Variants in PTPRT observed in about 807,000 individuals in gnomAD.
PTPRT encodes protein tyrosine phosphatase receptor type T.
In PTPRT, 56 loss-of-function variants were observed where a neutral mutation model predicts 176.8. That is an observed-to-expected ratio of 0.32 (90% CI 0.26 to 0.40). The LOEUF is 0.40. Among genes scored for constraint, PTPRT ranks in the 10% least tolerant of loss-of-function variants. The pLI, the probability that PTPRT is intolerant of heterozygous loss-of-function variation, is 1.00. For synonymous variants in PTPRT, 783 were observed against 739.0 expected (o/e 1.06, Z -0.96); for missense variants, 1,540 against 1,908.2 (o/e 0.81, Z 3.60).
At chr20:43,147,464 C>A (rs2146413274) in intron 1 of PTPRT, among the ~76,000 whole-genome samples, 2 of 152,290 alleles carry the variant, frequency 1.3e-5, no homozygotes, top group East Asian at 3.9e-4. Context: ...CCCCATCAGA[C>A]CAGGGACTTC....
intron 1 of PTPRT, among the ~76,000 whole-genome samples, chr20:42,901,280 A>G (rs1289221873): frequency 1.3e-5 from 2 of 152,096 alleles, no homozygotes; most frequent in Non-Finnish European, 2.9e-5. Flanking sequence ...TGTCCACCCC[A>G]AAAGTACATT....
rs73254783 is a variant in PTPRT, at chr20:42,276,336, T to C, written c.2176+6153A>G. On this transcript the variant is annotated intron_variant, in intron 13 of 30. Transcript: ENST00000373187. Reference sequence around the variant, plus strand: ...TTCTTCACTTTGGATCTAACCTGTATCCATTTGACAAACGGCTGATTTGTA... The same window carrying C: ...TTCTTCACTTTGGATCTAACCTGTACCCATTTGACAAACGGCTGATTTGTA... Among the ~76,000 whole-genome samples the C allele has an allele frequency of 3.8e-3, 577 of 150,536 alleles. 5 individuals are homozygous for C. The highest frequency in any genetic ancestry group is 0.013 in the African/African-American group (551 of 40,988).
intron 1 of PTPRT, among the ~76,000 whole-genome samples, chr20:42,918,813 T>G (rs963883900): frequency 5.3e-5 from 8 of 151,920 alleles, no homozygotes; most frequent in African/African-American, 1.9e-4. Flanking sequence ...GCTTCGAGTT[T>G]TGTGTGTGTG....
intron 8 of PTPRT, among the ~76,000 whole-genome samples, chr20:42,459,395 G>T (rs763596901): frequency 6.6e-6 from 1 of 152,192 alleles, no homozygotes; most frequent in Non-Finnish European, 1.5e-5. Context: ...GGAGTGATAT[G>T]ATTTGCTTCA....
chr20:42,312,663 G>A lies in PTPRT; in HGVS notation c.2139+3060C>T, dbSNP rs998217054. The stretch of plus-strand genomic sequence containing the variant: ...CCAATTCCATTCCTGCCTGTGTTTC[G>A]TTACTGGGAATCTTAGTTACAAAGC... On this transcript the variant is annotated intron_variant, in intron 12 of 30. Transcript: ENST00000373187. Among the ~76,000 whole-genome samples the A allele has an allele frequency of 2.6e-4, 39 of 152,198 alleles. 1 individual carries two copies. Among genetic ancestry groups the A allele is most frequent in the Admixed American group, 8.5e-4 (13 of 15,282 alleles).
chr20:43,028,404 G>C (rs1986005348), intron 1 of PTPRT, among the ~76,000 whole-genome samples: 1 of 152,120 alleles, frequency 6.6e-6, no homozygotes, highest in Non-Finnish European at 1.5e-5. Context: ...CAACTTCCCT[G>C]AAGTGTCACA....
chr20:42,458,204 C>T (rs2070957148), intron 8 of PTPRT, among the ~76,000 whole-genome samples: 1 of 152,166 alleles, frequency 6.6e-6, no homozygotes, highest in Admixed American at 6.5e-5. Context: ...AGTGCAGATA[C>T]AAAGGTGTTT....
the PTPRT span, among the ~76,000 whole-genome samples, chr20:42,059,484 A>G: frequency 9.2e-5 from 14 of 152,224 alleles, no homozygotes; most frequent in Non-Finnish European, 1.6e-4. Flanking sequence ...CCTGCCATGC[A>G]GTACTATATT....
the PTPRT span, among the ~76,000 whole-genome samples, chr20:42,047,108 T>C: frequency 0.025 from 3,860 of 152,258 alleles, 159 homozygotes; most frequent in African/African-American, 0.088. Flanking sequence ...AAGTAACTTG[T>C]TGGGGGTTAA....
chr20:43,054,859 T>C (rs1987177337), intron 1 of PTPRT, among the ~76,000 whole-genome samples: 1 of 152,204 alleles, frequency 6.6e-6, no homozygotes, highest in Non-Finnish European at 1.5e-5. Flanking sequence ...CATCTAGTTC[T>C]AACTCTCTAT....
chr20:42,043,674 C>T, the PTPRT span, among the ~76,000 whole-genome samples: 1 of 152,182 alleles, frequency 6.6e-6, no homozygotes, highest in African/African-American at 2.4e-5. Flanking sequence ...AAATAAACAT[C>T]TGCTCTGTTA....
intron 9 of PTPRT, among the ~76,000 whole-genome samples, chr20:42,389,866 A>AAAG (rs59335415): frequency 0.5 from 69,164 of 137,394 alleles, 17,773 homozygotes; most frequent in East Asian, 0.62. Flanking sequence ...AAAAAAAAAA[A>AAAG]AAAGAAAGAA....
At chr20:43,049,107 C>G (rs575110598) in intron 1 of PTPRT, among the ~76,000 whole-genome samples, 2 of 152,252 alleles carry the variant, frequency 1.3e-5, no homozygotes, top group East Asian at 1.9e-4. Context: ...CCTTCAATCC[C>G]AGGAACAGAA....
intron 1 of PTPRT, among the ~76,000 whole-genome samples, chr20:43,147,494 C>A (rs1255707599): frequency 6.6e-6 from 1 of 152,162 alleles, no homozygotes; most frequent in Non-Finnish European, 1.5e-5. Flanking sequence ...GAGATGGAAG[C>A]CCCTGTGCCC....
chr20:42,038,891 T>C, the PTPRT span, among the ~76,000 whole-genome samples: 1 of 151,686 alleles, frequency 6.6e-6, no homozygotes. Flanking sequence ...AGAGAGGGAG[T>C]CACCAGTGGG....
chr20:42,104,286 T>C (rs1011207880), intron 25 of PTPRT, among the ~76,000 whole-genome samples: 37 of 152,174 alleles, frequency 2.4e-4, no homozygotes, highest in African/African-American at 8.9e-4. Flanking sequence ...CTGGGCAACA[T>C]AGTGAGATCC....
intron 7 of PTPRT, among the ~76,000 whole-genome samples, chr20:42,672,990 G>A (rs1661654771): frequency 6.6e-6 from 1 of 152,206 alleles, no homozygotes; most frequent in African/African-American, 2.4e-5. Flanking sequence ...CTAAGTAAAT[G>A]TTTGATAGAA....
chr20:43,164,796 A>G lies in PTPRT; in HGVS notation c.88+24850T>C, dbSNP rs571227289. Among the ~76,000 whole-genome samples the G allele has an allele frequency of 3.9e-5, 6 of 152,356 alleles. No individual in the cohort carries two copies. The South Asian group carries it at 1.2e-3, about 32-fold the overall frequency. Reference sequence around the variant, plus strand: ...TTATGAATGTTGAAATTTGAATTTCATAGAATCTTTGAGTACTACAAAATA... The same window carrying G: ...TTATGAATGTTGAAATTTGAATTTCGTAGAATCTTTGAGTACTACAAAATA... On this transcript the variant is annotated intron_variant, in intron 1 of 30. Transcript: ENST00000373187.
At chr20:42,695,399 C>T (rs1326517842) in intron 6 of PTPRT, among the ~76,000 whole-genome samples, 2 of 152,120 alleles carry the variant, frequency 1.3e-5, no homozygotes, top group East Asian at 3.9e-4. Flanking sequence ...CACAACTACG[C>T]TTGATTCTAT....
Sources: gnomAD v4.1 joint callset for allele counts (sites outside exome capture counted in the v4.1 genomes callset) on GRCh38, gnomAD v4.1.1 for gene constraint, MANE v1.5 for transcripts, NCBI Gene and HGNC (gene_info 2026-07-23, HGNC 2026-07-21) for gene names.